The following ZNF385D variants were observed in gnomAD, a reference collection of about 807,000 sequenced individuals.
The protein encoded by ZNF385D is zinc finger protein 659.
In ZNF385D, 15 loss-of-function variants were observed where a neutral mutation model predicts 35.8. The observed-to-expected ratio is 0.42, with a 90% CI of 0.28 to 0.64. ZNF385D has a LOEUF of 0.64. ZNF385D is among the 30% of genes least tolerant of loss of function. The probability of loss-of-function intolerance (pLI) is 0.23; values close to 1 mark genes in which losing one functional copy is unlikely to be tolerated. For synonymous variants in ZNF385D, 212 were observed against 186.8 expected, an observed-to-expected ratio of 1.13 and a Z score of -1.10; for missense variants, 474 against 494.6, an observed-to-expected ratio of 0.96 and a Z score of 0.39.
chr3:21,682,236 G>A (rs1027340373), intron 1 of ZNF385D, among the ~76,000 whole-genome samples: 13 of 132,876 alleles, frequency 9.8e-5, no homozygotes, highest in African/African-American at 3.6e-4. Context: ...TTTTAAGTTA[G>A]AAGCCAGAAA....
intron 3 of ZNF385D, among the ~76,000 whole-genome samples, chr3:21,871,074 G>A (rs558912324): frequency 8.5e-5 from 13 of 152,270 alleles, no homozygotes; most frequent in African/African-American, 3.1e-4. Context: ...TCTGCCTGAA[G>A]ACTCTCCCCA....
chr3:22,033,508 T>C (rs962608028), intron 3 of ZNF385D, among the ~76,000 whole-genome samples: 2 of 151,544 alleles, frequency 1.3e-5, no homozygotes, highest in East Asian at 1.9e-4. Context: ...GGAAAAGGAA[T>C]AGAATATATT....
chr3:21,941,490 C>CTTTTTTTTTTTTT (rs531693623), intron 3 of ZNF385D, among the ~76,000 whole-genome samples: 1 of 63,586 alleles, frequency 1.6e-5, no homozygotes, highest in Non-Finnish European at 2.7e-5. Context: ...TTCCATTACT[C>CTTTTTTTTTTTTT]TTTTTTTTTT....
chr3:21,923,193 C>T (rs545963051), intron 3 of ZNF385D, among the ~76,000 whole-genome samples: 1 of 151,890 alleles, frequency 6.6e-6, no homozygotes, highest in Admixed American at 6.6e-5. Context: ...ATCCCCCCAC[C>T]CCACAACAGG....
intron 3 of ZNF385D, among the ~76,000 whole-genome samples, chr3:22,099,094 A>G (rs1313473136): frequency 1.3e-5 from 2 of 152,104 alleles, no homozygotes. Context: ...GTACTACTTA[A>G]ATAAAATATG....
intron 3 of ZNF385D, among the ~76,000 whole-genome samples, chr3:22,160,324 T>C (rs565334852): frequency 6.6e-6 from 1 of 152,238 alleles, no homozygotes; most frequent in South Asian, 2.1e-4. Flanking sequence ...GCCACAAATG[T>C]TCTAGCAAGT....
intron 3 of ZNF385D, among the ~76,000 whole-genome samples, chr3:21,937,552 T>C (rs1277652491): frequency 1.3e-5 from 2 of 152,188 alleles, no homozygotes; most frequent in Non-Finnish European, 2.9e-5. Flanking sequence ...TCCTTGACTA[T>C]ACTGAACTTC....
intron 3 of ZNF385D, among the ~76,000 whole-genome samples, chr3:21,778,634 T>C (rs1277453389): frequency 2.6e-5 from 4 of 151,800 alleles, no homozygotes; most frequent in African/African-American, 9.7e-5. Flanking sequence ...AAAAATCACA[T>C]CACATATCTT....
intron 3 of ZNF385D, among the ~76,000 whole-genome samples, chr3:22,130,769 G>A (rs1172534532): frequency 6.6e-6 from 1 of 151,996 alleles, no homozygotes; most frequent in Non-Finnish European, 1.5e-5. Flanking sequence ...GTTAGAACTG[G>A]GTACCATGAT....
intron 3 of ZNF385D, among the ~76,000 whole-genome samples, chr3:21,834,476 T>C (rs1168962554): frequency 6.6e-6 from 1 of 152,188 alleles, no homozygotes; most frequent in Non-Finnish European, 1.5e-5. Context: ...CCTACAGCTC[T>C]GATTCTCTGA....
chr3:21,421,141 A>G lies in ZNF385D; in HGVS notation c.*73T>C. The G allele has an allele frequency of 8.1e-7, 1 of 1,227,656 alleles. No homozygotes were observed. Among genetic ancestry groups the G allele is most frequent in the African/African-American group, 1.5e-5 (1 of 65,710 alleles). 76.0% of individuals were successfully genotyped at this position (1,227,656 alleles called of 1,614,324 possible). ...ACTTTAAACTATAAATAAACACTGCATAGTTCTCTTTTGTTTGTTTTGTTT... is the reference window on the plus strand; with the variant it reads ...ACTTTAAACTATAAATAAACACTGCGTAGTTCTCTTTTGTTTGTTTTGTTT... On this transcript the variant is annotated 3_prime_UTR_variant, in exon 8 of 8. Transcript: ENST00000281523.
chr3:21,906,786 T>G (rs1699705899), intron 3 of ZNF385D, among the ~76,000 whole-genome samples: 1 of 152,204 alleles, frequency 6.6e-6, no homozygotes. Context: ...CTCAGCTGCC[T>G]CTGGTATGAC....
intron 2 of ZNF385D, among the ~76,000 whole-genome samples, chr3:22,305,228 C>T (rs1452380851): frequency 6.6e-6 from 1 of 152,118 alleles, no homozygotes; most frequent in African/African-American, 2.4e-5. Context: ...CTATTTCTTT[C>T]TCCTATTTAT....
At chr3:21,987,814 C>T (rs1237703344) in intron 3 of ZNF385D, among the ~76,000 whole-genome samples, 58 of 127,432 alleles carry the variant, frequency 4.6e-4, no homozygotes, top group African/African-American at 1.2e-3. Context: ...ACCAATCAGA[C>T]GTAGATTTGG....
intron 2 of ZNF385D, among the ~76,000 whole-genome samples, chr3:22,315,255 T>G (rs28762971): frequency 0.045 from 6,916 of 152,248 alleles, 537 homozygotes; most frequent in African/African-American, 0.16. Flanking sequence ...CAAGTCAGAC[T>G]AGGTGAATGC....
At chr3:22,135,034 G>A (rs1255879521) in intron 3 of ZNF385D, among the ~76,000 whole-genome samples, 2 of 152,056 alleles carry the variant, frequency 1.3e-5, no homozygotes, top group African/African-American at 2.4e-5. Flanking sequence ...GATCATAAGA[G>A]AATCATAGTA....
chr3:21,761,679 T>A (rs894279923), intron 3 of ZNF385D, among the ~76,000 whole-genome samples: 2 of 152,104 alleles, frequency 1.3e-5, no homozygotes, highest in Non-Finnish European at 2.9e-5. Context: ...GCATGTCAAC[T>A]CTCAAGGGGG....
In ZNF385D at chr3:22,181,766, A is replaced by C. The variant is rs1456948423; in HGVS notation, c.107-12731T>G. 2.0e-5 allele frequency among the ~76,000 whole-genome samples: 3 copies of C among 152,198 alleles called. No individual in the cohort carries two copies. In the South Asian group the frequency reaches 6.2e-4, roughly 32 times the overall value. ...TACATCATGAGTGGGATTATGTTAC[A>C]AAAAGATAGTAATGCCCATAGACTC... is the stretch of plus-strand genomic sequence containing the variant. On this transcript the variant is annotated intron_variant, in intron 2 of 5. Transcript: ENST00000494108.
chr3:22,094,155 ATATTC>A (rs928317396), intron 3 of ZNF385D, among the ~76,000 whole-genome samples: 7 of 151,898 alleles, frequency 4.6e-5, no homozygotes, highest in African/African-American at 1.7e-4. Context: ...CCGGCATCAA[ATATTC>A]TAATTTTCCT....
Sources: allele counts gnomAD v4.1 joint callset (sites outside exome capture counted in the v4.1 genomes callset), GRCh38; gene constraint gnomAD v4.1.1; transcripts MANE v1.5; gene names NCBI Gene and HGNC (gene_info 2026-07-23, HGNC 2026-07-21).